The following ASPH variants were observed in gnomAD, a reference collection of about 807,000 sequenced individuals.
ASPH encodes the protein aspartate beta-hydroxylase, also known as aspartyl/asparaginyl beta-hydroxylase.
ASPH carries 100 observed loss-of-function variants against 118.4 expected under a neutral mutation model. That is an observed-to-expected ratio of 0.84 (90% confidence interval 0.72 to 1.00). The LOEUF (loss-of-function observed/expected upper bound fraction) is 1.00, where lower values mean the gene tolerates loss of function less well. Ranked by LOEUF, ASPH falls within the 50% of genes least tolerant of loss-of-function variation. ASPH has a pLI of 0.00. For synonymous variants in ASPH, 315 were observed against 325.6 expected, an observed-to-expected ratio of 0.97 and a Z score of 0.35; for missense variants, 920 against 919.5, an observed-to-expected ratio of 1.00 and a Z score of -0.01.
At chr8:61,585,585 CT>C (rs35026059) in intron 14 of ASPH, among the ~76,000 whole-genome samples, 79,613 of 151,966 alleles carry the variant, frequency 0.52, 23,496 homozygotes, top group Non-Finnish European at 0.67. Flanking sequence ...CGTGTGCCCC[CT>C]GGTGGGAATT....
chr8:61,527,773 C>T (rs1410834792), intron 21 of ASPH, among the ~76,000 whole-genome samples: 2 of 151,996 alleles, frequency 1.3e-5, no homozygotes, highest in Admixed American at 6.6e-5. Context: ...GCTGGATGGC[C>T]TTTCAGCCCC....
intron 13 of ASPH, among the ~76,000 whole-genome samples, chr8:61,622,539 C>T (rs1043080698): frequency 8.5e-5 from 13 of 152,296 alleles, no homozygotes; most frequent in African/African-American, 2.6e-4. Context: ...CTGCTCTCTC[C>T]CTAAGCACCC....
At chr8:61,625,685 A>G in intron 13 of ASPH, 1 of 985,106 alleles carries the variant, frequency 1.0e-6, no homozygotes. Context: ...AAAAATTTCA[A>G]AAGTGTTAAT....
chr8:61,507,834 C>T (rs1807219691), intron 24 of ASPH, among the ~76,000 whole-genome samples: 1 of 152,194 alleles, frequency 6.6e-6, no homozygotes, highest in African/African-American at 2.4e-5. Context: ...ACAATCAGCC[C>T]TTTGGAGAAA....
intron 21 of ASPH, among the ~76,000 whole-genome samples, chr8:61,536,163 C>G (rs1036387426): frequency 6.6e-6 from 1 of 151,892 alleles, no homozygotes; most frequent in African/African-American, 2.4e-5. Flanking sequence ...CCTCAGCCTC[C>G]CAAGTAGCTG....
chr8:61,614,124 T>G (rs1208524995), intron 14 of ASPH, among the ~76,000 whole-genome samples: 1 of 152,140 alleles, frequency 6.6e-6, no homozygotes, highest in Admixed American at 6.5e-5. Context: ...GGGCCCTGAT[T>G]ATGACTTTAA....
In ASPH at chr8:61,576,802, C is replaced by A. The variant is rs771867550; in HGVS notation, c.1119G>T (p.Gln373His). ...CCTTCCCATATCTTGCTCGTGGACT[C>A]TGAGGGTATTTGCGTACTAGTTCTT... ...AFKELVRKYP[Q>H]SPRARYGKAQ... Residue 373 changes from glutamine to histidine, a missense_variant, in exon 16 of 25, where the codon CAG becomes CAT. Gln to His is a conservative substitution (Grantham distance 24, BLOSUM62 0). Coordinates refer to ENST00000379454, the MANE Select transcript of ASPH (RefSeq NM_004318.4). 6.2e-7 allele frequency: 1 copy of A among 1,610,044 alleles called. No homozygotes were observed. Among genetic ancestry groups the A allele is most frequent in the South Asian group, 1.1e-5 (1 of 90,152 alleles).
intron 3 of ASPH, among the ~76,000 whole-genome samples, chr8:61,677,791 A>C (rs141207383): frequency 6.6e-6 from 1 of 152,156 alleles, no homozygotes; most frequent in Non-Finnish European, 1.5e-5. Flanking sequence ...TTTAGTATAA[A>C]CATCTTTACT....
chr8:61,624,344 C>A, intron 13 of ASPH: 1 of 985,032 alleles, frequency 1.0e-6, no homozygotes, highest in Non-Finnish European at 1.2e-6. Context: ...TGCTTCCTGG[C>A]AATGTAGCAT....
At chr8:61,578,107 T>C in intron 15 of ASPH, 1 of 1,150,950 alleles carries the variant, frequency 8.7e-7, no homozygotes, top group East Asian at 2.6e-5. Context: ...GGTACAGGTA[T>C]TGGATAAATG....
At chr8:61,562,085 G>A (rs1371092005) in intron 18 of ASPH, among the ~76,000 whole-genome samples, 1 of 152,108 alleles carries the variant, frequency 6.6e-6, no homozygotes, top group Admixed American at 6.5e-5. Context: ...TTACAGAGGC[G>A]CTAACTTTCT....
At chr8:61,619,225 T>C (rs1380681600) in intron 13 of ASPH, among the ~76,000 whole-genome samples, 3 of 152,202 alleles carry the variant, frequency 2.0e-5, no homozygotes, top group African/African-American at 7.2e-5. Flanking sequence ...CAATTACTTA[T>C]ACTAAAAGTC....
rs1329239557 is a variant in ASPH, at chr8:61,714,277, G to A, written c.95C>T (p.Ala32Val). ...STSAGSSSPG[A>V]RRETKHGGHK... ...CCCGCAGGGCCTCTGACCTCTCCGG[G>A]CCCCGGGGCTGCTGCTGCCCGCACT... The change falls in exon 1 of 25, where the codon GCC (alanine) becomes GTC (valine). Residue 32 changes from alanine to valine, a missense_variant. Coordinates refer to ENST00000379454, the MANE Select transcript of ASPH (RefSeq NM_004318.4). 2 of 1,515,816 alleles carry A rather than the reference G, an allele frequency of 1.3e-6. No homozygotes were observed. The highest frequency in any genetic ancestry group is 1.4e-5 in the African/African-American group (1 of 69,316). 93.9% of individuals were successfully genotyped at this position (1,515,816 alleles called of 1,614,324 possible).
chr8:61,672,578 G>C (rs1823159566), intron 3 of ASPH, among the ~76,000 whole-genome samples: 1 of 147,036 alleles, frequency 6.8e-6, no homozygotes, highest in East Asian at 2.1e-4. Context: ...CATCCTTCAG[G>C]ACCCACACCA....
intron 21 of ASPH, among the ~76,000 whole-genome samples, chr8:61,542,948 A>T (rs1223681234): frequency 6.6e-6 from 1 of 152,202 alleles, no homozygotes; most frequent in Non-Finnish European, 1.5e-5. Flanking sequence ...TGTTCATCTT[A>T]AAAGGAAGGT....
intron 22 of ASPH, among the ~76,000 whole-genome samples, chr8:61,519,758 G>C (rs1812283242): frequency 1.3e-5 from 2 of 152,158 alleles, no homozygotes; most frequent in Admixed American, 6.5e-5. Flanking sequence ...AAGATGGAAG[G>C]GGGCCACAAG....
At chr8:61,576,596 G>A (rs1057165468) in intron 16 of ASPH, 176 bp downstream of exon 16, 16 of 513,968 alleles carry the variant, frequency 3.1e-5, no homozygotes, top group East Asian at 9.3e-5. Context: ...AGAAAAAAAT[G>A]TTACTAAATT....
chr8:61,611,990 G>C (rs951414524), intron 14 of ASPH, among the ~76,000 whole-genome samples: 3 of 146,894 alleles, frequency 2.0e-5, no homozygotes, highest in Non-Finnish European at 4.5e-5. Context: ...AAAACTACTA[G>C]ATATGCAAAA....
intron 14 of ASPH, among the ~76,000 whole-genome samples, chr8:61,593,877 C>T (rs1448167261): frequency 6.6e-6 from 1 of 152,178 alleles, no homozygotes; most frequent in East Asian, 1.9e-4. Context: ...GAATAGCCAC[C>T]TTCCTCAAAT....
Sources: allele counts gnomAD v4.1 joint callset (sites outside exome capture counted in the v4.1 genomes callset), GRCh38; gene constraint gnomAD v4.1.1; transcripts MANE v1.5; gene names NCBI Gene and HGNC (gene_info 2026-07-23, HGNC 2026-07-21).